The following PPIG variants were observed in gnomAD, a reference collection of about 807,000 sequenced individuals.
PPIG encodes the protein peptidyl-prolyl cis-trans isomerase G.
Under a neutral mutation model 87.9 loss-of-function variants are expected in PPIG, and 26 were observed. That is an observed-to-expected ratio of 0.30 (90% CI 0.22 to 0.41). The LOEUF (loss-of-function observed/expected upper bound fraction) is 0.41, where lower values mean the gene tolerates loss of function less well. PPIG is among the 10% of genes least tolerant of loss of function. The pLI is 1.00. For missense variants in PPIG, 722 were observed against 879.4 expected (o/e 0.82, Z 2.26); for synonymous variants, 308 against 276.5 (o/e 1.11, Z -1.13).
At chr2:169,593,407 G>T (rs1684923154) in intron 1 of PPIG, among the ~76,000 whole-genome samples, 1 of 151,796 alleles carries the variant, frequency 6.6e-6, no homozygotes, top group African/African-American at 2.4e-5. Flanking sequence ...CATTGGTCAG[G>T]CTGGTCATGA....
At chr2:169,591,920 ATTTTTTTTTTTT>A (rs3067016) in intron 1 of PPIG, among the ~76,000 whole-genome samples, 1 of 87,410 alleles carries the variant, frequency 1.1e-5, no homozygotes, top group Non-Finnish European at 2.0e-5. Context: ...GCAATTCATG[ATTTTTTTTTTTT>A]TTTTTTTTTT....
At chr2:169,597,462 C>CT (rs1222221297) in intron 1 of PPIG, among the ~76,000 whole-genome samples, 1 of 151,122 alleles carries the variant, frequency 6.6e-6, no homozygotes, top group Non-Finnish European at 1.5e-5. Context: ...CCTGGCCCCA[C>CT]TTTCGTTTTT....
At chr2:169,605,517 GA>G (rs1283930453) in intron 4 of PPIG, among the ~76,000 whole-genome samples, 1 of 150,072 alleles carries the variant, frequency 6.7e-6, no homozygotes, top group African/African-American at 2.5e-5. Flanking sequence ...TAAAAAAATA[GA>G]GGCCAAGTGT....
At chr2:169,593,078 T>C (rs1464279622) in intron 1 of PPIG, among the ~76,000 whole-genome samples, 4 of 152,170 alleles carry the variant, frequency 2.6e-5, no homozygotes, top group Admixed American at 2.6e-4. Context: ...GAATACATCT[T>C]ATAGCCATTT....
At chr2:169,606,513 A>G (rs1685326908) in intron 5 of PPIG, among the ~76,000 whole-genome samples, 1 of 140,904 alleles carries the variant, frequency 7.1e-6, no homozygotes, top group African/African-American at 2.6e-5. Context: ...AATGGCTTGA[A>G]CCCGAAAGGT....
intron 7 of PPIG, among the ~76,000 whole-genome samples, chr2:169,610,913 A>C (rs765308475): frequency 1.3e-5 from 2 of 152,212 alleles, no homozygotes; most frequent in African/African-American, 2.4e-5. Flanking sequence ...TTTTTAAACA[A>C]AACAACTTAT....
intron 6 of PPIG, 60 bp downstream of exon 6, chr2:169,607,208 C>T (rs1047800099): frequency 4.6e-6 from 5 of 1,091,798 alleles, no homozygotes; most frequent in South Asian, 2.8e-5. Context: ...CTATTTTATT[C>T]TCTATGGAAT....
intron 11 of PPIG, among the ~76,000 whole-genome samples, chr2:169,632,728 G>A (rs1169151093): frequency 6.8e-6 from 1 of 146,474 alleles, no homozygotes; most frequent in Admixed American, 6.8e-5. Context: ...CTGGGTGACA[G>A]AGTGAGACTC....
intron 6 of PPIG, 119 bp from the exon 7 acceptor site, chr2:169,608,552 T>TATTA: frequency 1.8e-6 from 1 of 543,484 alleles, no homozygotes. Context: ...AACCTAACTT[T>TATTA]ATTATCTAAG....
At chr2:169,605,992 A>G in intron 4 of PPIG, 47 bp from the exon 5 acceptor site, 1 of 1,372,634 alleles carries the variant, frequency 7.3e-7, no homozygotes, top group Non-Finnish European at 1.0e-6. Flanking sequence ...CTTTCATACT[A>G]CTTTGATTTC....
At chr2:169,630,328 T>C (rs1199663932) in intron 9 of PPIG, among the ~76,000 whole-genome samples, 2 of 152,146 alleles carry the variant, frequency 1.3e-5, no homozygotes, top group Non-Finnish European at 2.9e-5. Context: ...CACTGAAATA[T>C]AAGCCCATGC....
intron 1 of PPIG, chr2:169,584,889 A>G (rs1324918258): frequency 3.5e-5 from 8 of 227,370 alleles, no homozygotes; most frequent in Admixed American, 1.1e-4. Context: ...AAGACTCAGC[A>G]CTGTTGCGGG....
At chr2:169,613,168 T>C (rs1441654932) in intron 7 of PPIG, among the ~76,000 whole-genome samples, 2 of 152,234 alleles carry the variant, frequency 1.3e-5, no homozygotes, top group Non-Finnish European at 1.5e-5. Context: ...ATATATGCAT[T>C]GTGACTATAA....
At chr2:169,588,974 A>C (rs1166323188) in intron 1 of PPIG, among the ~76,000 whole-genome samples, 2 of 151,988 alleles carry the variant, frequency 1.3e-5, no homozygotes, top group African/African-American at 4.8e-5. Flanking sequence ...AAAAAAAAAA[A>C]AAAAAAAAAC....
At chr2:169,634,122 A>G (rs1243001836) in intron 12 of PPIG, among the ~76,000 whole-genome samples, 2 of 152,112 alleles carry the variant, frequency 1.3e-5, no homozygotes, top group East Asian at 1.9e-4. Context: ...GTGCAGTGGT[A>G]CAATCAAGGA....
intron 1 of PPIG, among the ~76,000 whole-genome samples, chr2:169,589,786 A>G (rs1220785628): frequency 6.6e-6 from 1 of 152,092 alleles, no homozygotes; most frequent in African/African-American, 2.4e-5. Flanking sequence ...TTTACTGACT[A>G]CAGATATATG....
In PPIG at chr2:169,639,598, C is replaced by G. The variant is rs1686266622; in HGVS notation, c.*2075C>G. 1 of 152,062 alleles carries G rather than the reference C, an allele frequency of 6.6e-6. No homozygotes were observed. Among genetic ancestry groups the G allele is most frequent in the African/African-American group, 2.4e-5 (1 of 41,428 alleles). 9.4% of individuals were successfully genotyped at this position (152,062 alleles called of 1,614,324 possible). A position where few individuals can be genotyped will look rare whatever the true frequency, so the allele number is the denominator to read the frequency against. On this transcript the variant is annotated 3_prime_UTR_variant, in exon 14 of 14. Transcript: ENST00000260970. Reference sequence around the variant, plus strand: ...TGTTTGGGTTATCAAAAGAGCAACTCCATGCTCCGCATTATTTATAGTCCT... The same window carrying G: ...TGTTTGGGTTATCAAAAGAGCAACTGCATGCTCCGCATTATTTATAGTCCT...
chr2:169,628,703 G>C (rs1163526684), intron 9 of PPIG, among the ~76,000 whole-genome samples: 1 of 151,978 alleles, frequency 6.6e-6, no homozygotes, highest in Non-Finnish European at 1.5e-5. Context: ...ACTTACGGAG[G>C]TTGAGACAGG....
chr2:169,636,581 T>C lies in PPIG; in HGVS notation c.1323T>C (p.Asn441=), dbSNP rs768310012. ...GCAAAGAGAGAGACATCAGAAGAAATTCAGAAAAAGATGACAAGTATAAAA... is the reference window on the plus strand; with the variant it reads ...GCAAAGAGAGAGACATCAGAAGAAACTCAGAAAAAGATGACAAGTATAAAA... ...SNSKERDIRR[N]SEKDDKYKNK... is the part of the protein sequence containing the mutation. Residue 441 remains asparagine, a synonymous_variant, in exon 14 of 14, where the codon AAT becomes AAC. Transcript: ENST00000260970. 2.6e-5 allele frequency: 42 copies of C among 1,596,528 alleles called. No individual in the cohort carries two copies. Among genetic ancestry groups the C allele is most frequent in the Admixed American group, 3.6e-5 (2 of 55,638 alleles).
Sources: allele counts gnomAD v4.1 joint callset (sites outside exome capture counted in the v4.1 genomes callset), GRCh38; gene constraint gnomAD v4.1.1; transcripts MANE v1.5; gene names NCBI Gene and HGNC (gene_info 2026-07-23, HGNC 2026-07-21).